HAAO: variants seen among roughly 807,000 people sequenced by gnomAD.
HAAO encodes 3-hydroxyanthranilate 3,4-dioxygenase.
HAAO carries 49 observed loss-of-function variants against 46.2 expected under a neutral mutation model. The observed-to-expected ratio is 1.06, with a 90% confidence interval of 0.84 to 1.34. HAAO has a LOEUF of 1.34. Among genes scored for constraint, HAAO ranks in the 40% most tolerant of loss-of-function variants. The pLI is 0.00. For missense variants in HAAO, 408 were observed against 364.5 expected, an observed-to-expected ratio of 1.12 and a Z score of -0.97; for synonymous variants, 157 against 145.2, an observed-to-expected ratio of 1.08 and a Z score of -0.58.
intron 4 of HAAO, among the ~76,000 whole-genome samples, chr2:42,779,330 A>AT (rs34980381): frequency 0.43 from 64,509 of 148,826 alleles, 14,202 homozygotes; most frequent in East Asian, 0.74. Flanking sequence ...GGTTCATGCT[A>AT]TTTTTTTTTT....
intron 4 of HAAO, among the ~76,000 whole-genome samples, chr2:42,777,819 A>AT (rs1022929448): frequency 6.6e-6 from 1 of 152,098 alleles, no homozygotes; most frequent in Non-Finnish European, 1.5e-5. Context: ...CTAAAAAAAA[A>AT]GGTGTGTCCT....
At chr2:42,769,918 G>A in intron 6 of HAAO, 60 bp from the exon 7 acceptor site, 1 of 1,533,530 alleles carries the variant, frequency 6.5e-7, no homozygotes, top group Non-Finnish European at 8.8e-7. Flanking sequence ...CAGCCCCAGT[G>A]GGCCCAGTTC....
intron 2 of HAAO, among the ~76,000 whole-genome samples, chr2:42,786,838 G>T (rs1355450512): frequency 6.6e-6 from 1 of 152,192 alleles, no homozygotes; most frequent in African/African-American, 2.4e-5. Flanking sequence ...GTGTGGTTTG[G>T]TAAGAGGTGT....
chr2:42,786,854 G>A (rs1338108411), intron 2 of HAAO, among the ~76,000 whole-genome samples: 1 of 152,172 alleles, frequency 6.6e-6, no homozygotes, highest in Non-Finnish European at 1.5e-5. Context: ...GGTGTGATTT[G>A]AACCCAGGTC....
At chr2:42,787,536 G>A (rs899139217) in intron 2 of HAAO, among the ~76,000 whole-genome samples, 11 of 152,182 alleles carry the variant, frequency 7.2e-5, no homozygotes, top group Non-Finnish European at 1.6e-4. Context: ...GAGCGTGAGA[G>A]GTGAGGAGTT....
At chr2:42,786,760 G>A (rs1672416763) in intron 2 of HAAO, among the ~76,000 whole-genome samples, 1 of 152,224 alleles carries the variant, frequency 6.6e-6, no homozygotes, top group African/African-American at 2.4e-5. Context: ...TGGGGAGTGG[G>A]GAGCCGGGCC....
rs1284754343 is a variant in HAAO, at chr2:42,777,942, AAG to A, written c.350+5370_350+5371del. Among the ~76,000 whole-genome samples, 8 of 152,300 alleles carry A rather than the reference AAG, an allele frequency of 5.3e-5. No individual in the cohort carries two copies. The East Asian group carries it at 1.5e-3, about 29-fold the overall frequency. The stretch of plus-strand genomic sequence containing the variant: ...ACATGTAAAGAAAGTCATAAAAACA[AAG>A]AGGTTTTTTGTGGTAAGAAAGCTTA... On this transcript the variant is annotated intron_variant, in intron 4 of 9. Transcript: ENST00000294973.
chr2:42,778,990 G>A (rs1478176753), intron 4 of HAAO, among the ~76,000 whole-genome samples: 2 of 152,078 alleles, frequency 1.3e-5, no homozygotes, highest in Non-Finnish European at 2.9e-5. Context: ...GCACATGTCT[G>A]TAATCCCAGC....
intron 2 of HAAO, among the ~76,000 whole-genome samples, 158 bp downstream of exon 2, chr2:42,788,371 G>A (rs763785882): frequency 1.1e-4 from 16 of 151,520 alleles, no homozygotes; most frequent in East Asian, 3.9e-4. Flanking sequence ...GGCAGCAGTC[G>A]TGCCCTGTGA....
intron 4 of HAAO, among the ~76,000 whole-genome samples, chr2:42,774,811 T>C (rs1379366741): frequency 6.6e-6 from 1 of 152,186 alleles, no homozygotes; most frequent in African/African-American, 2.4e-5. Flanking sequence ...GCTGTTTGTT[T>C]CTGTTTTGTT....
chr2:42,771,804 G>A (rs78240234), intron 4 of HAAO, among the ~76,000 whole-genome samples: 835 of 152,390 alleles, frequency 5.5e-3, no homozygotes, highest in Non-Finnish European at 8.4e-3. Context: ...TAAAAGAGAT[G>A]TGGTCCCGCT....
chr2:42,790,921 A>G (rs1048043975), intron 1 of HAAO, among the ~76,000 whole-genome samples: 1 of 152,192 alleles, frequency 6.6e-6, no homozygotes, highest in African/African-American at 2.4e-5. Context: ...GAATTCTTTC[A>G]ACCCATCAGT....
intron 4 of HAAO, among the ~76,000 whole-genome samples, chr2:42,780,563 T>C (rs753457595): frequency 4.4e-4 from 67 of 152,062 alleles, no homozygotes; most frequent in Non-Finnish European, 7.8e-4. Context: ...GACATTAGAA[T>C]AGAGAAGAAA....
At chr2:42,769,953 C>T (rs1670978500) in intron 6 of HAAO, 95 bp from the exon 7 acceptor site, 1 of 1,349,542 alleles carries the variant, frequency 7.4e-7, no homozygotes, top group South Asian at 1.4e-5. Context: ...TCTCAATTGC[C>T]AGAACAGGCT....
At chr2:42,784,875 T>C (rs761846621) in intron 2 of HAAO, among the ~76,000 whole-genome samples, 16 of 152,200 alleles carry the variant, frequency 1.1e-4, no homozygotes, top group Non-Finnish European at 2.2e-4. Flanking sequence ...GTGGGGTTTA[T>C]TGGGATGCAG....
In HAAO at chr2:42,767,509, G is replaced by T. The variant is rs769916891; in HGVS notation, c.789C>A (p.Ala263=). ...CCACAGAGCCTTGTGTTCGCTCCCA[G>T]GCATACCTGTGGACACACAGATGAG... ...SLLVLAGTSY[A]WERTQGSVAL... is the part of the protein sequence containing the mutation. The change falls in exon 10 of 10, where the codon GCC becomes GCA. Residue 263 remains alanine (A), a synonymous_variant. Coordinates refer to ENST00000294973, the MANE Select transcript of HAAO (RefSeq NM_012205.3). 1 of 1,611,784 alleles carries T rather than the reference G, an allele frequency of 6.2e-7. No homozygotes were observed. Among genetic ancestry groups the T allele is most frequent in the South Asian group, 1.1e-5 (1 of 90,454 alleles).
chr2:42,786,252 C>T (rs1226906050), intron 2 of HAAO, among the ~76,000 whole-genome samples: 3 of 152,144 alleles, frequency 2.0e-5, no homozygotes, highest in Non-Finnish European at 4.4e-5. Context: ...TGATGAGGGG[C>T]AGGCCTGGCC....
At chr2:42,767,778 C>T in intron 8 of HAAO, 82 bp downstream of exon 8, 2 of 1,556,344 alleles carry the variant, frequency 1.3e-6, no homozygotes, top group Non-Finnish European at 8.9e-7. Context: ...AGAGTGGGCC[C>T]CGTGTGGGAG....
At chr2:42,772,082 A>G (rs1025748019) in intron 4 of HAAO, among the ~76,000 whole-genome samples, 1 of 152,262 alleles carries the variant, frequency 6.6e-6, no homozygotes, top group Non-Finnish European at 1.5e-5. Context: ...GTCCCTTGTG[A>G]CAAATTTTTT....
Sources: gnomAD v4.1 joint callset for allele counts (sites outside exome capture counted in the v4.1 genomes callset) on GRCh38, gnomAD v4.1.1 for gene constraint, MANE v1.5 for transcripts, NCBI Gene and HGNC (gene_info 2026-07-23, HGNC 2026-07-21) for gene names.